Variants in SCAMP5 observed in about 807,000 individuals in gnomAD.
SCAMP5 encodes secretory carrier-associated membrane protein 5.
A neutral mutation model predicts 28.3 loss-of-function variants in SCAMP5; 7 were observed. That is an observed-to-expected ratio of 0.25 (90% CI 0.14 to 0.46). The LOEUF is 0.46. Among genes scored for constraint, SCAMP5 ranks in the 20% least tolerant of loss-of-function variants. SCAMP5 has a pLI of 0.99. For missense variants in SCAMP5, 192 were observed against 312.5 expected (o/e 0.61, Z 2.91); for synonymous variants, 117 against 116.4 (o/e 1.00, Z -0.03).
In SCAMP5 at chr15:75,018,854, G is replaced by A; in HGVS notation, c.579G>A (p.Gly193=). The change falls in exon 7 of 7, where the codon GGG becomes GGA. Residue 193 remains glycine (G), a synonymous_variant. Transcript: ENST00000425597. This position sits in a 1 kb window ranked among gnomAD's most constrained non-coding sequence, Gnocchi z 5.6. The part of the protein sequence containing the change: ...FSKAQEEWTT[G]AWKNPHVQQA... Reference sequence around the variant, plus strand: ...AAGCTCAGGAGGAGTGGACCACAGGGGCCTGGAAGAATCCACATGTGCAGC... The same window carrying A: ...AAGCTCAGGAGGAGTGGACCACAGGAGCCTGGAAGAATCCACATGTGCAGC... 6.3e-7 allele frequency: 1 copy of A among 1,596,228 alleles called. No homozygotes were observed. Among genetic ancestry groups the A allele is most frequent in the South Asian group, 1.1e-5 (1 of 87,340 alleles).
intron 3 of SCAMP5, among the ~76,000 whole-genome samples, chr15:75,015,624 T>C (rs536771620): frequency 1.3e-5 from 2 of 152,246 alleles, no homozygotes; most frequent in Admixed American, 6.5e-5. Context: ...GCATGAGTGT[T>C]ATCTAAGAAA....
intron 1 of SCAMP5, among the ~76,000 whole-genome samples, chr15:75,002,031 A>C (rs896171081): frequency 6.6e-6 from 1 of 152,098 alleles, no homozygotes; most frequent in Non-Finnish European, 1.5e-5. Flanking sequence ...GATTGAGTGT[A>C]GGAGGTTGAG....
Position 75,001,523 on chromosome 15 carries a change from C to T in SCAMP5, c.-49+5850C>T, listed in dbSNP as rs537217285. Among the ~76,000 whole-genome samples the T allele has an allele frequency of 3.3e-5, 5 of 152,040 alleles. No homozygotes were observed. In the East Asian group the frequency reaches 9.7e-4, roughly 29 times the overall value. On this transcript the variant is annotated intron_variant, in intron 1 of 6. Transcript: ENST00000425597. ...AGGTGCAGTGGCTCATATCTGTAAT[C>T]CCAGCACTTTGGGAGGCTGAGGCGG...
chr15:75,019,131 ATATG>A lies in SCAMP5; in HGVS notation c.*152_*155del. 5 of 477,846 alleles carry A rather than the reference ATATG, an allele frequency of 1.0e-5. No individual in the cohort carries two copies. The highest frequency in any genetic ancestry group is 3.6e-5 in the East Asian group (1 of 27,730). 29.6% of individuals were successfully genotyped at this position (477,846 alleles called of 1,614,324 possible). On this transcript the variant is annotated 3_prime_UTR_variant, in exon 7 of 7. Transcript: ENST00000425597. Reference sequence around the variant, plus strand: ...AAGGACCAGAGTTATATATATATATATATGTATATGTCTGTACCCCAGCCCCCAC... The same window carrying A: ...AAGGACCAGAGTTATATATATATATATATATGTCTGTACCCCAGCCCCCAC...
In SCAMP5 at chr15:75,019,761, C is replaced by T. The variant is rs567536852; in HGVS notation, c.*778C>T. The T allele has an allele frequency of 1.3e-5, 2 of 152,722 alleles. No individual in the cohort carries two copies. Among genetic ancestry groups the T allele is most frequent in the African/African-American group, 2.4e-5 (1 of 41,532 alleles). The allele number at this position is 152,722 out of a possible 1,614,324, so 9.5% of individuals were successfully genotyped here. ...TCAAGGAAGCTGATGGGGAGCTGGG[C>T]CTTACCCCTGATGTAGGAGGGGCAC... On this transcript the variant is annotated 3_prime_UTR_variant, in exon 7 of 7. Coordinates refer to ENST00000425597, the MANE Select transcript of SCAMP5 (RefSeq NM_138967.4).
intron 1 of SCAMP5, among the ~76,000 whole-genome samples, chr15:75,006,317 A>G (rs2065758902): frequency 6.6e-6 from 1 of 152,020 alleles, no homozygotes; most frequent in Admixed American, 6.6e-5. Flanking sequence ...TTTAAAAAAT[A>G]AAATAATAAT....
chr15:75,014,038 A>G (rs956531093), intron 3 of SCAMP5, among the ~76,000 whole-genome samples: 8 of 151,946 alleles, frequency 5.3e-5, no homozygotes, highest in Non-Finnish European at 1.0e-4. Context: ...CAAGCTGGCT[A>G]TCCTGTGCTG....
intron 1 of SCAMP5, among the ~76,000 whole-genome samples, chr15:75,002,400 A>T (rs1374865932): frequency 6.6e-6 from 1 of 151,396 alleles, no homozygotes. Context: ...ACCTAAAATG[A>T]CCCCCAGCTG....
Position 75,016,676 on chromosome 15 carries a change from G to T in SCAMP5, c.220G>T (p.Ala74Ser), listed in dbSNP as rs2065862458. The T allele has an allele frequency of 2.5e-6, 4 of 1,613,856 alleles. No homozygotes were observed. The highest frequency in any genetic ancestry group is 3.4e-6 in the Non-Finnish European group (4 of 1,179,862). The change falls in exon 4 of 7, where the codon GCC becomes TCC. Residue 74 changes from alanine to serine, a missense_variant. Coordinates refer to ENST00000425597, the MANE Select transcript of SCAMP5 (RefSeq NM_138967.4). The stretch of plus-strand genomic sequence containing the variant: ...CGGGGGAGCCACCAACTTTGGCCTC[G>T]CCTTTCTCTGGCTCATCCTCTTCAC... ...GGGGATNFGL[A>S]FLWLILFTPC...
intron 1 of SCAMP5, among the ~76,000 whole-genome samples, chr15:74,998,076 C>G (rs1247654208): frequency 1.3e-5 from 2 of 152,222 alleles, no homozygotes; most frequent in African/African-American, 4.8e-5. Flanking sequence ...TGACCCTCGT[C>G]TGCTGCCAGA....
intron 1 of SCAMP5, among the ~76,000 whole-genome samples, chr15:75,005,330 T>C (rs9672996): frequency 0.2 from 30,358 of 151,788 alleles, 4,816 homozygotes; most frequent in South Asian, 0.44. Context: ...GGCGTGGTGG[T>C]GCATGCCTGT....
intron 2 of SCAMP5, 72 bp downstream of exon 2, chr15:75,011,918 C>T: frequency 2.4e-6 from 3 of 1,276,198 alleles, no homozygotes. Flanking sequence ...CTTCCTGGTT[C>T]CCTTATCTCC....
rs936814224 is a variant in SCAMP5 at position 75,016,502 on chromosome 15, GGTGT to G, written c.137-83_137-80del. The G allele has an allele frequency of 2.4e-5, 29 of 1,206,746 alleles. No individual in the cohort carries two copies. The African/African-American group carries it at 3.9e-4, about 16-fold the overall frequency. The allele number at this position is 1,206,746 out of a possible 1,614,324, so 74.8% of individuals were successfully genotyped here. A position where few individuals can be genotyped will look rare whatever the true frequency, so the allele number is the denominator to read the frequency against. On this transcript the variant is annotated intron_variant, in intron 3 of 6. Transcript: ENST00000425597. ...GATTGTGGGTCTCTGTTGCGTTACTGGTGTGTGTGTGCCCATGTCCGGGTGCTCA... is the reference window on the plus strand; with the variant it reads ...GATTGTGGGTCTCTGTTGCGTTACTGGTGTGTGCCCATGTCCGGGTGCTCA...
rs377452806 is a variant in SCAMP5 at position 75,011,956 on chromosome 15, C to T, written c.7+110C>T. On this transcript the variant is annotated intron_variant, in intron 2 of 6. Coordinates refer to ENST00000425597, the MANE Select transcript of SCAMP5 (RefSeq NM_138967.4). ...TAGTCTTTGGAGGCCAGGTTCTTTC[C>T]ATCTTACTGTCCCCAAGCTTTCCCC... 557 of 836,772 alleles carry T rather than the reference C, an allele frequency of 6.7e-4. 2 individuals are homozygous for T. In the Middle Eastern group the frequency reaches 7.7e-3, roughly 12 times the overall value. 51.8% of individuals were successfully genotyped at this position (836,772 alleles called of 1,614,324 possible).
chr15:75,002,338 C>G (rs1271068461), intron 1 of SCAMP5, among the ~76,000 whole-genome samples: 1 of 151,888 alleles, frequency 6.6e-6, no homozygotes. Context: ...ACATCTGTCT[C>G]TACTGTAATT....
chr15:75,011,945 C>T, intron 2 of SCAMP5, 99 bp downstream of exon 2: 2 of 969,454 alleles, frequency 2.1e-6, no homozygotes, highest in South Asian at 3.0e-5. Flanking sequence ...CTTTGGAGGC[C>T]AGGTTCTTTC....
chr15:75,018,280 T>C lies in SCAMP5; in HGVS notation c.396-138T>C. The C allele has an allele frequency of 1.4e-6, 1 of 704,538 alleles. No individual in the cohort carries two copies. Among genetic ancestry groups the C allele is most frequent in the South Asian group, 1.5e-5 (1 of 64,530 alleles). The allele number at this position is 704,538 out of a possible 1,614,324, so 43.6% of individuals were successfully genotyped here. A position where few individuals can be genotyped will look rare whatever the true frequency, so the allele number is the denominator to read the frequency against. Reference sequence around the variant, plus strand: ...TCTTGAGCCACTGGCACAGGTTCTTTGGGTATCAGTAAGATGGTCCCTCTG... The same window carrying C: ...TCTTGAGCCACTGGCACAGGTTCTTCGGGTATCAGTAAGATGGTCCCTCTG... On this transcript the variant is annotated intron_variant, in intron 5 of 6. Coordinates refer to ENST00000425597, the MANE Select transcript of SCAMP5 (RefSeq NM_138967.4). The surrounding 1 kb of genome is among the most constrained non-coding windows in gnomAD (Gnocchi z 5.6).
chr15:75,004,746 GAA>G lies in SCAMP5; in HGVS notation c.-48-7044_-48-7043del, dbSNP rs1024145084. Among the ~76,000 whole-genome samples the G allele has an allele frequency of 1.3e-4, 20 of 149,714 alleles. No homozygotes were observed. The East Asian group carries it at 3.1e-3, about 24-fold the overall frequency. On this transcript the variant is annotated intron_variant, in intron 1 of 6. Coordinates refer to ENST00000425597, the MANE Select transcript of SCAMP5 (RefSeq NM_138967.4). ...AGACCCTGTCTCAAAAAAAAAAAAA[GAA>G]AGAGAGAAAGAAACAAAAACATGCA...
chr15:75,006,510 G>A (rs1163039696), intron 1 of SCAMP5, among the ~76,000 whole-genome samples: 1 of 151,850 alleles, frequency 6.6e-6, no homozygotes. Context: ...ACAATTGGCC[G>A]GGCACTGTGG....
Sources: gnomAD v4.1 joint callset for allele counts (sites outside exome capture counted in the v4.1 genomes callset) on GRCh38, gnomAD v4.1.1 for gene constraint, Gnocchi (gnomAD v3.1) non-coding constraint, MANE v1.5 for transcripts, NCBI Gene and HGNC (gene_info 2026-07-23, HGNC 2026-07-21) for gene names.